LRRC4C: variants seen among roughly 807,000 people sequenced by gnomAD.
LRRC4C encodes leucine rich repeat containing 4C, also known as leucine-rich repeat-containing protein 4C.
Under a neutral mutation model 33.6 loss-of-function variants are expected in LRRC4C, and 5 were observed. That is an observed-to-expected ratio of 0.15 (90% confidence interval 0.08 to 0.31). LRRC4C has a LOEUF of 0.31. Among genes scored for constraint, LRRC4C ranks in the 10% least tolerant of loss-of-function variants. The pLI, the probability that LRRC4C is intolerant of heterozygous loss-of-function variation, is 1.00. For synonymous variants in LRRC4C, 329 were observed against 302.0 expected, an observed-to-expected ratio of 1.09 and a Z score of -0.93; for missense variants, 560 against 796.7, an observed-to-expected ratio of 0.70 and a Z score of 3.58.
intron 1 of LRRC4C, among the ~76,000 whole-genome samples, chr11:41,125,132 C>T (rs1325861633): frequency 7.9e-5 from 12 of 152,100 alleles, no homozygotes; most frequent in African/African-American, 2.9e-4. Context: ...TCAAAATTAA[C>T]AAAGGTCTAT....
chr11:41,034,577 TTTG>T (rs1856935883), intron 1 of LRRC4C, among the ~76,000 whole-genome samples: 1 of 136,736 alleles, frequency 7.3e-6, no homozygotes, highest in Admixed American at 7.8e-5. Flanking sequence ...AAATTTGTCT[TTTG>T]TTGTTTTTCT....
intron 1 of LRRC4C, among the ~76,000 whole-genome samples, chr11:41,237,296 T>C (rs747210632): frequency 5.3e-5 from 8 of 152,216 alleles, no homozygotes; most frequent in Middle Eastern, 3.2e-3. Flanking sequence ...AACTTAAGTA[T>C]CTGTCGTTGT....
chr11:40,758,989 A>G (rs1949071962), intron 2 of LRRC4C, among the ~76,000 whole-genome samples: 1 of 151,028 alleles, frequency 6.6e-6, no homozygotes, highest in South Asian at 2.1e-4. Context: ...CTCCCTCTTA[A>G]TTGGACCTTA....
intron 1 of LRRC4C, among the ~76,000 whole-genome samples, chr11:41,295,889 C>T (rs187929245): frequency 6.6e-6 from 1 of 152,318 alleles, no homozygotes; most frequent in East Asian, 1.9e-4. Context: ...CTAAGCCCTG[C>T]TCAAGTGGCT....
chr11:40,244,253 G>C (rs1866155319), intron 4 of LRRC4C, among the ~76,000 whole-genome samples: 1 of 152,004 alleles, frequency 6.6e-6, no homozygotes, highest in African/African-American at 2.4e-5. Flanking sequence ...CTGAACTGAA[G>C]AAGAAGCCTC....
intron 1 of LRRC4C, among the ~76,000 whole-genome samples, chr11:41,161,151 T>TA (rs1462206445): frequency 2.6e-5 from 4 of 152,184 alleles, no homozygotes; most frequent in Non-Finnish European, 5.9e-5. Context: ...TTATTCCATG[T>TA]AACGTAGTGT....
intron 1 of LRRC4C, among the ~76,000 whole-genome samples, chr11:41,191,801 G>T (rs149368040): frequency 2.6e-4 from 40 of 152,160 alleles, no homozygotes; most frequent in Non-Finnish European, 4.9e-4. Context: ...CTTGGAAAAG[G>T]GTTCTGCAGC....
At chr11:40,636,686 C>T (rs1050832409) in intron 3 of LRRC4C, among the ~76,000 whole-genome samples, 2 of 152,102 alleles carry the variant, frequency 1.3e-5, no homozygotes, top group Non-Finnish European at 2.9e-5. Context: ...TAACATGTAA[C>T]CACAGCATCT....
chr11:41,356,970 G>A (rs775655511), intron 1 of LRRC4C, among the ~76,000 whole-genome samples: 7 of 152,062 alleles, frequency 4.6e-5, no homozygotes, highest in Non-Finnish European at 1.0e-4. Context: ...TAGATTACAT[G>A]AATGCAAGTT....
chr11:40,224,591 G>C (rs1864654270), intron 5 of LRRC4C, among the ~76,000 whole-genome samples: 1 of 152,164 alleles, frequency 6.6e-6, no homozygotes, highest in South Asian at 2.1e-4. Context: ...TGAGAAAATA[G>C]CCTACTGTTT....
intron 4 of LRRC4C, among the ~76,000 whole-genome samples, chr11:40,294,502 A>G (rs559529224): frequency 5.5e-4 from 84 of 152,080 alleles, no homozygotes; most frequent in Non-Finnish European, 7.6e-4. Flanking sequence ...TCTCCCAGTC[A>G]AGCACACTGG....
chr11:40,418,649 A>G (rs1950412793), intron 3 of LRRC4C, among the ~76,000 whole-genome samples: 1 of 152,230 alleles, frequency 6.6e-6, no homozygotes, highest in African/African-American at 2.4e-5. Context: ...TATTACAAAG[A>G]TGCATGCACA....
chr11:40,260,594 C>T (rs532767641), intron 4 of LRRC4C, among the ~76,000 whole-genome samples: 1 of 151,870 alleles, frequency 6.6e-6, no homozygotes, highest in Non-Finnish European at 1.5e-5. Context: ...AAAAATGTCC[C>T]GTTTACCACT....
chr11:40,780,892 A>T (rs1950186133), intron 2 of LRRC4C, among the ~76,000 whole-genome samples: 1 of 152,076 alleles, frequency 6.6e-6, no homozygotes, highest in Admixed American at 6.6e-5. Context: ...GAGGAAAAAG[A>T]AAAAGGGATC....
chr11:40,821,488 C>T (rs528836414), intron 2 of LRRC4C, among the ~76,000 whole-genome samples: 5 of 151,358 alleles, frequency 3.3e-5, no homozygotes, highest in East Asian at 1.9e-4. Flanking sequence ...AAAGTAAATC[C>T]TTACAGGTGT....
intron 1 of LRRC4C, among the ~76,000 whole-genome samples, chr11:41,432,808 T>C (rs1194896881): frequency 6.6e-6 from 1 of 151,998 alleles, no homozygotes; most frequent in Non-Finnish European, 1.5e-5. Flanking sequence ...GCATCATTTT[T>C]CCCCCCTGTG....
intron 6 of LRRC4C, among the ~76,000 whole-genome samples, chr11:40,125,279 G>A (rs564572371): frequency 1.3e-5 from 2 of 152,218 alleles, no homozygotes; most frequent in Admixed American, 6.5e-5. Flanking sequence ...TCTAGATATC[G>A]TTGAGGGTAA....
At chr11:41,012,449 T>C (rs1855271129) in intron 1 of LRRC4C, among the ~76,000 whole-genome samples, 1 of 145,716 alleles carries the variant, frequency 6.9e-6, no homozygotes, top group Non-Finnish European at 1.6e-5. Flanking sequence ...TTCAATTGTG[T>C]ATATATATAT....
At position 40,241,553 on chromosome 11, in the gene LRRC4C, G is replaced by A. The variant is rs1786130882; in HGVS notation, c.-130C>T. ...CACTGTTGTCTGTCACTGTCTAGCT[G>A]AGTAACTCTGGCCAGTCCCTTCTTT... On this transcript the variant is annotated 5_prime_UTR_variant, in exon 5 of 7. Transcript: ENST00000528697. 6.6e-6 allele frequency: 1 copy of A among 152,128 alleles called. No individual in the cohort carries two copies. The highest frequency in any genetic ancestry group is 2.1e-4 in the South Asian group (1 of 4,828). 9.4% of individuals were successfully genotyped at this position (152,128 alleles called of 1,614,324 possible).
Sources: allele counts gnomAD v4.1 joint callset (sites outside exome capture counted in the v4.1 genomes callset), GRCh38; gene constraint gnomAD v4.1.1; transcripts MANE v1.5; gene names NCBI Gene and HGNC (gene_info 2026-07-23, HGNC 2026-07-21).